Variants in NRG3 observed in about 807,000 individuals in gnomAD.
The protein encoded by NRG3 is neuregulin 3, also known as pro-neuregulin-3, membrane-bound isoform.
Under a neutral mutation model 66.9 loss-of-function variants are expected in NRG3, and 31 were observed. That is an observed-to-expected ratio of 0.46 (90% CI 0.35 to 0.63). The LOEUF is 0.63. Ranked by LOEUF, NRG3 falls within the 20% of genes least tolerant of loss-of-function variation. The probability of loss-of-function intolerance (pLI) is 0.00; values close to 1 mark genes in which losing one functional copy is unlikely to be tolerated. For synonymous variants in NRG3, 393 were observed against 359.4 expected, an observed-to-expected ratio of 1.09 and a Z score of -1.06; for missense variants, 910 against 878.9, an observed-to-expected ratio of 1.04 and a Z score of -0.45.
chr10:81,882,591 A>G (rs903733304), intron 1 of NRG3, among the ~76,000 whole-genome samples: 1 of 152,162 alleles, frequency 6.6e-6, no homozygotes, highest in African/African-American at 2.4e-5. Flanking sequence ...CCTGACTTCT[A>G]TGCCAATCCC....
chr10:82,809,866 A>G (rs559604868), intron 3 of NRG3, among the ~76,000 whole-genome samples: 1 of 148,512 alleles, frequency 6.7e-6, no homozygotes, highest in African/African-American at 2.6e-5. Context: ...TGTCAATAAA[A>G]CTTCATTATT....
At chr10:82,168,719 A>T (rs1461546565) in intron 1 of NRG3, among the ~76,000 whole-genome samples, 1 of 152,120 alleles carries the variant, frequency 6.6e-6, no homozygotes, top group Non-Finnish European at 1.5e-5. Context: ...GAGTGGCCTA[A>T]TGTGAGAGAA....
At chr10:81,941,520 T>C (rs1186816045) in intron 1 of NRG3, among the ~76,000 whole-genome samples, 1 of 152,148 alleles carries the variant, frequency 6.6e-6, no homozygotes, top group Non-Finnish European at 1.5e-5. Context: ...CTGATCACAG[T>C]GGAGGAATGG....
chr10:82,893,642 C>T (rs1233162938), intron 4 of NRG3, among the ~76,000 whole-genome samples: 3 of 151,890 alleles, frequency 2.0e-5, no homozygotes, highest in Non-Finnish European at 4.4e-5. Context: ...GAACTAAGAT[C>T]GTGCCACTGC....
At chr10:82,297,702 CAT>C (rs1324500719) in intron 1 of NRG3, among the ~76,000 whole-genome samples, 9 of 151,960 alleles carry the variant, frequency 5.9e-5, no homozygotes, top group African/African-American at 7.2e-5. Flanking sequence ...GTTATTATAA[CAT>C]ATTATAAATA....
intron 1 of NRG3, chr10:81,878,077 C>G: frequency 6.5e-7 from 1 of 1,534,384 alleles, no homozygotes. Context: ...TTCCGGAGGT[C>G]TTTAAAGAAA....
intron 2 of NRG3, among the ~76,000 whole-genome samples, chr10:82,426,325 TAGTG>T (rs1030357695): frequency 3.4e-4 from 52 of 152,160 alleles, no homozygotes; most frequent in African/African-American, 1.1e-3. Context: ...CAGTCTCCAG[TAGTG>T]AGTAAGTTCA....
chr10:82,667,349 G>T (rs755350542), intron 2 of NRG3, among the ~76,000 whole-genome samples: 1 of 152,150 alleles, frequency 6.6e-6, no homozygotes, highest in Non-Finnish European at 1.5e-5. Flanking sequence ...TCGGGTGTGA[G>T]GCAGATGTGA....
chr10:82,432,470 C>A (rs968341717), intron 2 of NRG3, among the ~76,000 whole-genome samples: 5 of 149,530 alleles, frequency 3.3e-5, no homozygotes, highest in Non-Finnish European at 7.4e-5. Flanking sequence ...CATATATACA[C>A]CACATTTTTT....
intron 2 of NRG3, among the ~76,000 whole-genome samples, chr10:82,519,638 A>T (rs945613958): frequency 6.6e-6 from 1 of 152,164 alleles, no homozygotes; most frequent in Non-Finnish European, 1.5e-5. Context: ...CAAGCATATC[A>T]GTATGCTTTG....
intron 2 of NRG3, among the ~76,000 whole-genome samples, chr10:82,521,576 G>C (rs957912248): frequency 6.6e-6 from 1 of 152,050 alleles, no homozygotes; most frequent in Non-Finnish European, 1.5e-5. Flanking sequence ...TCCTGACCTC[G>C]TGATCCGCCC....
intron 2 of NRG3, among the ~76,000 whole-genome samples, chr10:82,512,048 G>C (rs987282019): frequency 1.8e-4 from 28 of 151,874 alleles, no homozygotes; most frequent in Non-Finnish European, 3.7e-4. Context: ...AATGAATATC[G>C]AAGATAATTT....
At chr10:81,881,038 T>C (rs890298187) in intron 1 of NRG3, among the ~76,000 whole-genome samples, 12 of 152,204 alleles carry the variant, frequency 7.9e-5, no homozygotes, top group Non-Finnish European at 1.8e-4. Context: ...CTTCATGCAA[T>C]TATAAATAAA....
intron 2 of NRG3, among the ~76,000 whole-genome samples, chr10:82,410,346 CA>C (rs987909172): frequency 1.3e-4 from 20 of 150,984 alleles, no homozygotes; most frequent in Non-Finnish European, 2.7e-4. Context: ...ATGAAGACCT[CA>C]AAAATACATG....
At chr10:82,466,663 C>T (rs554504162) in intron 2 of NRG3, among the ~76,000 whole-genome samples, 7 of 152,162 alleles carry the variant, frequency 4.6e-5, no homozygotes, top group Admixed American at 2.0e-4. Context: ...GTGGGGTCAG[C>T]GACTCTGGAA....
At chr10:82,524,890 T>C (rs995798020) in intron 2 of NRG3, among the ~76,000 whole-genome samples, 2 of 151,898 alleles carry the variant, frequency 1.3e-5, no homozygotes, top group Non-Finnish European at 2.9e-5. Flanking sequence ...TATTTATTGG[T>C]TTCTCAGTGT....
chr10:82,980,372 C>T (rs563472019), intron 8 of NRG3, among the ~76,000 whole-genome samples: 2 of 152,202 alleles, frequency 1.3e-5, no homozygotes, highest in African/African-American at 4.8e-5. Flanking sequence ...ATAATTTTTT[C>T]AGCAATTTCA....
At position 82,166,031 on chromosome 10, in the gene NRG3, AT is replaced by A. The variant is rs995629427; in HGVS notation, c.824-192700del. ...TATTTTTATTTTTAATTTATTATTA[AT>A]TTTTTTTGTGATGGAGTTTCACTCT... On this transcript the variant is annotated intron_variant, in intron 1 of 8. Coordinates refer to ENST00000372141, the MANE Select transcript of NRG3 (RefSeq NM_001010848.4). 4.5e-3 allele frequency among the ~76,000 whole-genome samples: 671 copies of A among 150,222 alleles called. 3 individuals carry two copies. The highest frequency in any genetic ancestry group is 0.012 in the African/African-American group (477 of 40,948).
At chr10:82,187,630 G>A (rs1407430028) in intron 1 of NRG3, among the ~76,000 whole-genome samples, 1 of 152,042 alleles carries the variant, frequency 6.6e-6, no homozygotes, top group Non-Finnish European at 1.5e-5. Context: ...GTTGAGAGAG[G>A]CTTCCTGGTT....
Sources: gnomAD v4.1 joint callset for allele counts (sites outside exome capture counted in the v4.1 genomes callset) on GRCh38, gnomAD v4.1.1 for gene constraint, MANE v1.5 for transcripts, NCBI Gene and HGNC (gene_info 2026-07-23, HGNC 2026-07-21) for gene names.